Variants in PPP1R16B observed in about 807,000 individuals in gnomAD.
PPP1R16B encodes the protein protein phosphatase 1 regulatory inhibitor subunit 16B.
Under a neutral mutation model 61.7 loss-of-function variants are expected in PPP1R16B, and 14 were observed. The ratio of observed to expected loss-of-function variants is 0.23; its 90% CI spans 0.15 to 0.35. PPP1R16B has a LOEUF of 0.35. Ranked by LOEUF, PPP1R16B falls within the 10% of genes least tolerant of loss-of-function variation. PPP1R16B has a pLI of 1.00. For synonymous variants in PPP1R16B, 266 were observed against 305.3 expected (o/e 0.87, Z 1.34); for missense variants, 547 against 752.5 (o/e 0.73, Z 3.19).
intron 2 of PPP1R16B, among the ~76,000 whole-genome samples, chr20:38,857,445 A>G (rs777924741): frequency 6.6e-6 from 1 of 152,230 alleles, no homozygotes; most frequent in Non-Finnish European, 1.5e-5. Flanking sequence ...CACTGGTGAC[A>G]TGGTCCCTCA....
At position 38,875,486 on chromosome 20, in the gene PPP1R16B, G is replaced by T. The variant is rs1015541076; in HGVS notation, c.251-14109G>T. Among the ~76,000 whole-genome samples, 4 of 152,362 alleles carry T rather than the reference G, an allele frequency of 2.6e-5. No homozygotes were observed. In the East Asian group the frequency reaches 7.7e-4, roughly 29 times the overall value. ...TAGCAGGACAGGGCCCCCCAGGCAG[G>T]TGGGGCTGCAAGGCAGTCAGCATAC... On this transcript the variant is annotated intron_variant, in intron 2 of 10. Transcript: ENST00000299824.
intron 4 of PPP1R16B, among the ~76,000 whole-genome samples, chr20:38,896,300 G>A (rs1048403880): frequency 3.0e-5 from 4 of 131,780 alleles, no homozygotes; most frequent in Non-Finnish European, 4.6e-5. Context: ...CTCCTTTTCT[G>A]CTTTTCTTCC....
intron 2 of PPP1R16B, among the ~76,000 whole-genome samples, chr20:38,869,986 C>T (rs8121637): frequency 0.11 from 17,454 of 151,824 alleles, 1,148 homozygotes; most frequent in Admixed American, 0.14. Context: ...CACAGTGACG[C>T]GATCCCAGCT....
intron 1 of PPP1R16B, among the ~76,000 whole-genome samples, chr20:38,816,121 G>C: frequency 6.6e-6 from 1 of 152,182 alleles, no homozygotes; most frequent in Non-Finnish European, 1.5e-5. Flanking sequence ...TCCTTAGTGG[G>C]GGCAGCAGAA....
chr20:38,855,390 C>T (rs927622680), intron 2 of PPP1R16B, among the ~76,000 whole-genome samples: 1 of 151,840 alleles, frequency 6.6e-6, no homozygotes, highest in African/African-American at 2.4e-5. Flanking sequence ...GGATACTTCG[C>T]AAAACTTCCC....
chr20:38,860,674 C>G (rs1282658123), intron 2 of PPP1R16B, among the ~76,000 whole-genome samples: 1 of 152,196 alleles, frequency 6.6e-6, no homozygotes, highest in Non-Finnish European at 1.5e-5. Context: ...CAGCATCTAG[C>G]TTTGTGCCCA....
At chr20:38,886,374 C>A (rs944541972) in intron 2 of PPP1R16B, among the ~76,000 whole-genome samples, 4 of 152,166 alleles carry the variant, frequency 2.6e-5, no homozygotes, top group African/African-American at 9.7e-5. Context: ...AATTACTGTG[C>A]ACAAACACTG....
intron 10 of PPP1R16B, among the ~76,000 whole-genome samples, chr20:38,909,724 C>T (rs1387616442): frequency 6.6e-6 from 1 of 152,218 alleles, no homozygotes; most frequent in African/African-American, 2.4e-5. Context: ...ACAGTGGGGT[C>T]ACCTACTGCC....
chr20:38,835,806 G>A lies in PPP1R16B; in HGVS notation c.-101-19G>A. ...GAGTCTGACACATGTGTTCATCTGT[G>A]TCTCCCTCCCTGCCACAGGCCACAC... is the stretch of plus-strand genomic sequence containing the variant. On this transcript the variant is annotated intron_variant, in intron 1 of 10. Transcript: ENST00000299824. 2.5e-6 allele frequency: 3 copies of A among 1,215,768 alleles called. No individual in the cohort carries two copies. Among genetic ancestry groups the A allele is most frequent in the Non-Finnish European group, 2.2e-6 (2 of 899,352 alleles). 75.3% of individuals were successfully genotyped at this position (1,215,768 alleles called of 1,614,324 possible).
At chr20:38,884,809 C>T (rs2085230652) in intron 2 of PPP1R16B, among the ~76,000 whole-genome samples, 1 of 151,784 alleles carries the variant, frequency 6.6e-6, no homozygotes, top group Admixed American at 6.6e-5. Context: ...CAGCGGCTCA[C>T]ACCTGTAATC....
intron 4 of PPP1R16B, among the ~76,000 whole-genome samples, chr20:38,896,191 CTTCTTTCTTCCCTCCCTCTCTCCCT>C (rs1464126808): frequency 1.5e-5 from 2 of 137,330 alleles, no homozygotes; most frequent in Non-Finnish European, 1.6e-5. Context: ...CCCTCCCTTC[CTTCTTTCTTCCCTCCCTCTCTCCCT>C]CCCTTTCTTT....
intron 2 of PPP1R16B, among the ~76,000 whole-genome samples, chr20:38,840,777 T>C (rs2084904385): frequency 6.6e-6 from 1 of 152,242 alleles, no homozygotes; most frequent in African/African-American, 2.4e-5. Flanking sequence ...TACCGTTTAC[T>C]AGCTGTGCAT....
intron 2 of PPP1R16B, among the ~76,000 whole-genome samples, chr20:38,848,566 C>T (rs530642230): frequency 6.6e-6 from 1 of 152,104 alleles, no homozygotes; most frequent in African/African-American, 2.4e-5. Context: ...CAAAATGTTC[C>T]TGGTTATTTT....
At chr20:38,897,343 G>T (rs2145769651) in intron 4 of PPP1R16B, among the ~76,000 whole-genome samples, 1 of 152,204 alleles carries the variant, frequency 6.6e-6, no homozygotes, top group South Asian at 2.1e-4. Flanking sequence ...ACAAGAAGTG[G>T]ATTCATACAG....
chr20:38,881,091 G>A (rs1460868193), intron 2 of PPP1R16B, among the ~76,000 whole-genome samples: 2 of 152,188 alleles, frequency 1.3e-5, no homozygotes, highest in African/African-American at 2.4e-5. Context: ...AGGGAAGCCC[G>A]TGTCTTTCTG....
chr20:38,904,444 A>G (rs2085423313), intron 6 of PPP1R16B, among the ~76,000 whole-genome samples: 2 of 152,260 alleles, frequency 1.3e-5, no homozygotes, highest in Non-Finnish European at 2.9e-5. Context: ...TGCTTAGCAC[A>G]GTCTGCAAAT....
intron 2 of PPP1R16B, among the ~76,000 whole-genome samples, chr20:38,847,503 C>T (rs2084942628): frequency 6.6e-6 from 1 of 152,114 alleles, no homozygotes; most frequent in African/African-American, 2.4e-5. Flanking sequence ...ATTACAGGTA[C>T]CCACCACCAC....
Position 38,867,264 on chromosome 20 carries a change from A to G in PPP1R16B, c.251-22331A>G, listed in dbSNP as rs74355795. Among the ~76,000 whole-genome samples, 1,084 of 152,186 alleles carry G rather than the reference A, an allele frequency of 7.1e-3. 13 individuals carry two copies. Among genetic ancestry groups the G allele is most frequent in the African/African-American group, 0.025 (1,019 of 41,518 alleles). ...GATCTCACCAGCCATTCATGTCCAA[A>G]CATCAGCCTGGTGCTGATGGGGACG... is the stretch of plus-strand genomic sequence containing the variant. On this transcript the variant is annotated intron_variant, in intron 2 of 10. Transcript: ENST00000299824.
intron 10 of PPP1R16B, among the ~76,000 whole-genome samples, chr20:38,911,901 A>G (rs2085493651): frequency 6.6e-6 from 1 of 152,062 alleles, no homozygotes; most frequent in African/African-American, 2.4e-5. Flanking sequence ...AAGCTCCTAT[A>G]AACATTTTTG....
Sources: gnomAD v4.1 joint callset for allele counts (sites outside exome capture counted in the v4.1 genomes callset) on GRCh38, gnomAD v4.1.1 for gene constraint, MANE v1.5 for transcripts, NCBI Gene and HGNC (gene_info 2026-07-23, HGNC 2026-07-21) for gene names.